The following CTTNBP2 variants were observed in gnomAD, a reference collection of about 807,000 sequenced individuals.
CTTNBP2 encodes the protein cortactin binding protein 2, also known as cortactin-binding protein 2.
Under a neutral mutation model 156.9 loss-of-function variants are expected in CTTNBP2, and 108 were observed. The ratio of observed to expected loss-of-function variants is 0.69; its 90% CI spans 0.59 to 0.81. CTTNBP2 has a LOEUF of 0.81. Ranked by LOEUF, CTTNBP2 falls within the 30% of genes least tolerant of loss-of-function variation. CTTNBP2 has a pLI of 0.00. For synonymous variants in CTTNBP2, 767 were observed against 751.8 expected, an observed-to-expected ratio of 1.02 and a Z score of -0.33; for missense variants, 1,924 against 2,035.4, an observed-to-expected ratio of 0.95 and a Z score of 1.05.
At chr7:117,826,455 A>G (rs1316511500) in intron 2 of CTTNBP2, among the ~76,000 whole-genome samples, 2 of 152,158 alleles carry the variant, frequency 1.3e-5, no homozygotes, top group East Asian at 3.9e-4. Context: ...AAGATATACC[A>G]TTAACTTTAT....
At chr7:117,830,261 A>C (rs1266222179) in intron 2 of CTTNBP2, among the ~76,000 whole-genome samples, 1 of 152,202 alleles carries the variant, frequency 6.6e-6, no homozygotes, top group East Asian at 1.9e-4. Flanking sequence ...CAGGCAATCA[A>C]GTTATTTTTA....
intron 8 of CTTNBP2, among the ~76,000 whole-genome samples, chr7:117,771,660 A>G (rs1227820349): frequency 6.6e-6 from 1 of 152,210 alleles, no homozygotes; most frequent in African/African-American, 2.4e-5. Context: ...GTTAAGAAAA[A>G]TACAGTAGTC....
chr7:117,731,934 C>G (rs1795424475), intron 16 of CTTNBP2, among the ~76,000 whole-genome samples: 1 of 152,170 alleles, frequency 6.6e-6, no homozygotes, highest in East Asian at 1.9e-4. Flanking sequence ...GAAAACATTA[C>G]TTACATATAT....
At chr7:117,850,803 T>C (rs1802888110) in intron 2 of CTTNBP2, among the ~76,000 whole-genome samples, 1 of 152,184 alleles carries the variant, frequency 6.6e-6, no homozygotes, top group Non-Finnish European at 1.5e-5. Flanking sequence ...TTATCACAAA[T>C]GCAACTTATT....
intron 1 of CTTNBP2, among the ~76,000 whole-genome samples, chr7:117,867,327 A>T (rs1804267453): frequency 6.6e-6 from 1 of 152,156 alleles, no homozygotes; most frequent in South Asian, 2.1e-4. Flanking sequence ...CCACTTTTGA[A>T]TGTCTTTCCA....
intron 8 of CTTNBP2, among the ~76,000 whole-genome samples, chr7:117,774,390 C>G (rs1026773848): frequency 1.6e-4 from 25 of 152,190 alleles, no homozygotes; most frequent in Non-Finnish European, 2.6e-4. Flanking sequence ...CCTGAACCCC[C>G]GGGGTTCACA....
At chr7:117,836,924 C>T (rs1801988494) in intron 2 of CTTNBP2, among the ~76,000 whole-genome samples, 1 of 152,162 alleles carries the variant, frequency 6.6e-6, no homozygotes, top group Non-Finnish European at 1.5e-5. Context: ...GTCTGTCCCA[C>T]AACACGTGGG....
In CTTNBP2 at chr7:117,710,702, G is replaced by GT. The variant is rs1794011338; in HGVS notation, c.*834dup. The GT allele has an allele frequency of 1.3e-5, 2 of 152,282 alleles. No individual in the cohort carries two copies. Among genetic ancestry groups the GT allele is most frequent in the African/African-American group, 4.9e-5 (2 of 41,180 alleles). The allele number at this position is 152,282 out of a possible 1,614,324, so 9.4% of individuals were successfully genotyped here. ...TGTCAAAGCATCTTAACTGAATTGTGTAAGTAATTTTGTCTGTAATTTTAG... is the reference window on the plus strand; with the variant it reads ...TGTCAAAGCATCTTAACTGAATTGTGTTAAGTAATTTTGTCTGTAATTTTAG... On this transcript the variant is annotated 3_prime_UTR_variant, in exon 23 of 23. Transcript: ENST00000160373.
chr7:117,850,545 G>GCA (rs1802875801), intron 2 of CTTNBP2, among the ~76,000 whole-genome samples: 1 of 152,166 alleles, frequency 6.6e-6, no homozygotes, highest in South Asian at 2.1e-4. Context: ...CAAAGCAGTT[G>GCA]CACAAAATAA....
Position 117,751,524 on chromosome 7 carries a change from C to T in CTTNBP2, c.3348+5031G>A, listed in dbSNP as rs115644635. On this transcript the variant is annotated intron_variant, in intron 12 of 22. Transcript: ENST00000160373. ...TTTAGAGCCACTGATGGCACAATTA[C>T]GGTCTATTCATTAACATAAAATTTC... Among the ~76,000 whole-genome samples, 788 of 152,246 alleles carry T rather than the reference C, an allele frequency of 5.2e-3. 2 individuals carry two copies. The highest frequency in any genetic ancestry group is 0.018 in the African/African-American group (762 of 41,550).
chr7:117,834,895 A>G (rs1324553943), intron 2 of CTTNBP2, among the ~76,000 whole-genome samples: 3 of 152,268 alleles, frequency 2.0e-5, no homozygotes, highest in Non-Finnish European at 2.9e-5. Flanking sequence ...ACTTACTCAA[A>G]ACAAAATAAT....
At chr7:117,844,577 C>T (rs1802471709) in intron 2 of CTTNBP2, among the ~76,000 whole-genome samples, 1 of 152,138 alleles carries the variant, frequency 6.6e-6, no homozygotes, top group Admixed American at 6.5e-5. Flanking sequence ...AAAGGAATTG[C>T]AGTCAACTAG....
intron 16 of CTTNBP2, 42 bp downstream of exon 16, chr7:117,734,870 AC>A (rs1488437231): frequency 1.3e-6 from 2 of 1,483,060 alleles, no homozygotes; most frequent in Non-Finnish European, 1.8e-6. Flanking sequence ...GACAACAAAA[AC>A]CCCTGCTCTC....
In CTTNBP2 at chr7:117,749,191, G is replaced by T. The variant is rs1796494837; in HGVS notation, c.3349-3092C>A. On this transcript the variant is annotated intron_variant, in intron 12 of 22. Coordinates refer to ENST00000160373, the MANE Select transcript of CTTNBP2 (RefSeq NM_033427.3). Reference sequence around the variant, plus strand: ...ACTGTTCTGCAGTATTCTTCCAGAGGTATATGGTTAATTTGTTATTATTCG... The same window carrying T: ...ACTGTTCTGCAGTATTCTTCCAGAGTTATATGGTTAATTTGTTATTATTCG... 3.9e-5 allele frequency among the ~76,000 whole-genome samples: 6 copies of T among 152,266 alleles called. No individual in the cohort carries two copies. In the South Asian group the frequency reaches 1.2e-3, roughly 32 times the overall value.
rs1799034585 is a variant in CTTNBP2 at position 117,791,820 on chromosome 7, G to A, written c.1376C>T (p.Pro459Leu). The A allele has an allele frequency of 1.2e-6, 2 of 1,614,178 alleles. No individual in the cohort carries two copies. The highest frequency in any genetic ancestry group is 2.2e-5 in the East Asian group (1 of 44,876). The change falls in exon 4 of 23, where the codon CCA (proline) becomes CTA (leucine). Residue 459 changes from proline (P) to leucine (L), a missense_variant. Physicochemically the swap from Pro to Leu is moderately conservative, Grantham distance 98. Transcript: ENST00000160373. ...TTGGGTAGTATTTCCATTTTGGTCT[G>A]GGTCGTTAGCATTGCCCTGAAATCT... The part of the protein sequence containing the change: ...RFRFQGNAND[P>L]DQNGNTTQSP...
chr7:117,777,414 C>A, intron 8 of CTTNBP2, 97 bp downstream of exon 8: 1 of 1,219,958 alleles, frequency 8.2e-7, no homozygotes, highest in South Asian at 1.5e-5. Context: ...CACTCAGTCT[C>A]CAATTATTCA....
intron 2 of CTTNBP2, among the ~76,000 whole-genome samples, chr7:117,816,617 T>G (rs960541786): frequency 2.4e-4 from 37 of 152,316 alleles, no homozygotes; most frequent in African/African-American, 8.4e-4. Flanking sequence ...GAAACATATG[T>G]CCAAGCCACT....
At chr7:117,744,112 C>T (rs1562967392) in intron 14 of CTTNBP2, among the ~76,000 whole-genome samples, 1 of 152,006 alleles carries the variant, frequency 6.6e-6, no homozygotes, top group Middle Eastern at 3.2e-3. Context: ...ATAATCACAT[C>T]ATAAAGAATG....
In CTTNBP2 at chr7:117,858,071, G is replaced by C. The variant is rs1055968992; in HGVS notation, c.189+3138C>G. Among the ~76,000 whole-genome samples the C allele has an allele frequency of 3.9e-5, 6 of 152,088 alleles. No homozygotes were observed. In the South Asian group the frequency reaches 6.2e-4, roughly 16 times the overall value. On this transcript the variant is annotated intron_variant, in intron 2 of 22. Coordinates refer to ENST00000160373, the MANE Select transcript of CTTNBP2 (RefSeq NM_033427.3). The stretch of plus-strand genomic sequence containing the variant: ...CAATTCTCAATTTTAAACCAAAAAA[G>C]CTTCAGGAATCTCCATAGGTCGGGC...
Sources: gnomAD v4.1 joint callset for allele counts (sites outside exome capture counted in the v4.1 genomes callset) on GRCh38, gnomAD v4.1.1 for gene constraint, MANE v1.5 for transcripts, NCBI Gene and HGNC (gene_info 2026-07-23, HGNC 2026-07-21) for gene names.